RAB21: variants seen among roughly 807,000 people sequenced by gnomAD.
RAB21 encodes the protein ras-related protein Rab-21.
In RAB21, 13 loss-of-function variants were observed where a neutral mutation model predicts 33.1. The observed-to-expected ratio is 0.39, with a 90% CI of 0.26 to 0.62. The LOEUF (loss-of-function observed/expected upper bound fraction) is 0.62, where lower values mean the gene tolerates loss of function less well. Among genes scored for constraint, RAB21 ranks in the 20% least tolerant of loss-of-function variants. RAB21 has a pLI of 0.48. For missense variants in RAB21, 234 were observed against 279.1 expected (o/e 0.84, Z 1.15); for synonymous variants, 91 against 103.7 (o/e 0.88, Z 0.74).
intron 3 of RAB21, among the ~76,000 whole-genome samples, chr12:71,771,233 T>C (rs1883037872): frequency 6.6e-6 from 1 of 152,196 alleles, no homozygotes; most frequent in East Asian, 1.9e-4. Flanking sequence ...ACACACCACA[T>C]ACGTATGACT....
Position 71,782,732 on chromosome 12 carries a change from A to G in RAB21, c.535+74A>G. 6.3e-6 allele frequency: 6 copies of G among 955,640 alleles called. 1 individual carries two copies. The South Asian group carries it at 1.1e-4, about 17-fold the overall frequency. 59.2% of individuals were successfully genotyped at this position (955,640 alleles called of 1,614,324 possible). Reference sequence around the variant, plus strand: ...TTTTTTAAAAAATAGTATGTATTTTACACCAGTGTTACTTTTCAAAGAATT... The same window carrying G: ...TTTTTTAAAAAATAGTATGTATTTTGCACCAGTGTTACTTTTCAAAGAATT... On this transcript the variant is annotated intron_variant, in intron 6 of 6. Transcript: ENST00000261263.
At chr12:71,782,548 A>T in intron 5 of RAB21, 22 bp from the exon 6 acceptor site, 1 of 1,489,350 alleles carries the variant, frequency 6.7e-7, no homozygotes, top group East Asian at 2.3e-5. Flanking sequence ...TACATCAATC[A>T]CCGATGTTAC....
At chr12:71,778,407 G>C (rs1883151611) in intron 4 of RAB21, among the ~76,000 whole-genome samples, 1 of 152,072 alleles carries the variant, frequency 6.6e-6, no homozygotes. Context: ...TAAGCCTCCT[G>C]ACAATGCTGA....
chr12:71,775,619 C>G, intron 4 of RAB21, among the ~76,000 whole-genome samples: 1 of 151,630 alleles, frequency 6.6e-6, no homozygotes, highest in Non-Finnish European at 1.5e-5. Context: ...TCACTGCAAC[C>G]TCCGCCTCCT....
chr12:71,770,111 C>G (rs952059405), intron 2 of RAB21, among the ~76,000 whole-genome samples: 1 of 152,074 alleles, frequency 6.6e-6, no homozygotes, highest in African/African-American at 2.4e-5. Flanking sequence ...GCTTGCCTGG[C>G]CTTTTTTTCC....
intron 6 of RAB21, among the ~76,000 whole-genome samples, chr12:71,784,236 C>G (rs80025408): frequency 0.012 from 1,765 of 152,222 alleles, 46 homozygotes; most frequent in African/African-American, 0.04. Flanking sequence ...AATACTTTCT[C>G]TCAGTCTGTG....
chr12:71,782,470 G>A (rs1336703910), intron 5 of RAB21, 100 bp from the exon 6 acceptor site: 2 of 715,276 alleles, frequency 2.8e-6, no homozygotes, highest in Admixed American at 3.3e-5. Context: ...CTAAACTTGA[G>A]TAAATTAATA....
rs377240841 is a variant in RAB21 at position 71,797,965 on chromosome 12, G to T, written c.*12292G>T. ...CTGAAATGTTTAAAGTACCCAAAGA[G>T]GTTGTCAGAGAATTTTTAAAGATTT... On this transcript the variant is annotated 3_prime_UTR_variant, in exon 7 of 7. Coordinates refer to ENST00000261263, the MANE Select transcript of RAB21 (RefSeq NM_014999.4). The T allele has an allele frequency of 8.5e-5, 13 of 152,074 alleles. No individual in the cohort carries two copies. Among genetic ancestry groups the T allele is most frequent in the Non-Finnish European group, 1.6e-4 (11 of 68,010 alleles). The allele number at this position is 152,074 out of a possible 1,614,324, so 9.4% of individuals were successfully genotyped here.
chr12:71,788,426 GC>G lies in RAB21; in HGVS notation c.*2754del, dbSNP rs1883327866. 6.6e-6 allele frequency: 1 copy of G among 152,028 alleles called. No individual in the cohort carries two copies. The highest frequency in any genetic ancestry group is 2.4e-5 in the African/African-American group (1 of 41,392). The allele number at this position is 152,028 out of a possible 1,614,324, so 9.4% of individuals were successfully genotyped here. On this transcript the variant is annotated 3_prime_UTR_variant, in exon 7 of 7. Transcript: ENST00000261263. ...TAGCAACAATAGACAACATGATATG[GC>G]TGCTGTCACTTTGAAACCCAAAAGG...
intron 2 of RAB21, 89 bp from the exon 3 acceptor site, chr12:71,770,503 T>C: frequency 1.1e-6 from 1 of 889,364 alleles, no homozygotes; most frequent in Non-Finnish European, 1.8e-6. Context: ...TTATGCCATA[T>C]TTTCCAATTA....
At chr12:71,777,751 C>A (rs1391826082) in intron 4 of RAB21, among the ~76,000 whole-genome samples, 1 of 152,174 alleles carries the variant, frequency 6.6e-6, no homozygotes, top group African/African-American at 2.4e-5. Flanking sequence ...TCCAGACATT[C>A]TGATCATCCT....
In RAB21 at chr12:71,795,247, C is replaced by T. The variant is rs936674376; in HGVS notation, c.*9574C>T. 3.3e-5 allele frequency: 5 copies of T among 152,034 alleles called. No individual in the cohort carries two copies. Among genetic ancestry groups the T allele is most frequent in the Admixed American group, 6.5e-5 (1 of 15,280 alleles). 9.4% of individuals were successfully genotyped at this position (152,034 alleles called of 1,614,324 possible). On this transcript the variant is annotated 3_prime_UTR_variant, in exon 7 of 7. Coordinates refer to ENST00000261263, the MANE Select transcript of RAB21 (RefSeq NM_014999.4). ...TAAAAGTTAAGAATCCATGAATAGC[C>T]CCTTAAAAATATTGTCAAAGCATCA...
At position 71,788,511 on chromosome 12, in the gene RAB21, G is replaced by A. The variant is rs1883329416; in HGVS notation, c.*2838G>A. On this transcript the variant is annotated 3_prime_UTR_variant, in exon 7 of 7. Transcript: ENST00000261263. ...CAGTCAACTTCAGTATATATACAAA[G>A]GAAAGACAAAGAGATGATAAACCAA... 6.6e-6 allele frequency: 1 copy of A among 152,050 alleles called. No individual in the cohort carries two copies. Among genetic ancestry groups the A allele is most frequent in the Non-Finnish European group, 1.5e-5 (1 of 67,994 alleles). 9.4% of individuals were successfully genotyped at this position (152,050 alleles called of 1,614,324 possible).
intron 1 of RAB21, among the ~76,000 whole-genome samples, chr12:71,765,733 A>C (rs1029879314): frequency 6.6e-6 from 1 of 151,872 alleles, no homozygotes; most frequent in South Asian, 2.1e-4. Context: ...TTCTGTTTTT[A>C]TATGCTTTGT....
chr12:71,797,328 C>T lies in RAB21; in HGVS notation c.*11655C>T, dbSNP rs1205883264. On this transcript the variant is annotated 3_prime_UTR_variant, in exon 7 of 7. Coordinates refer to ENST00000261263, the MANE Select transcript of RAB21 (RefSeq NM_014999.4). ...TAAAATTCATCACAGAAATAAAAAG[C>T]TTTCATTTATAAAAACAACAGCCAG... The T allele has an allele frequency of 6.6e-6, 1 of 151,902 alleles. No individual in the cohort carries two copies. Among genetic ancestry groups the T allele is most frequent in the Non-Finnish European group, 1.5e-5 (1 of 67,942 alleles). The allele number at this position is 151,902 out of a possible 1,614,324, so 9.4% of individuals were successfully genotyped here. A position where few individuals can be genotyped will look rare whatever the true frequency, so the allele number is the denominator to read the frequency against.
rs1222342959 is a variant in RAB21 at position 71,800,236 on chromosome 12, T to G, written c.*14563T>G. 1 of 152,172 alleles carries G rather than the reference T, an allele frequency of 6.6e-6. No homozygotes were observed. Among genetic ancestry groups the G allele is most frequent in the African/African-American group, 2.4e-5 (1 of 41,436 alleles). The allele number at this position is 152,172 out of a possible 1,614,324, so 9.4% of individuals were successfully genotyped here. ...CATTCCTGCTTTCTTTAAACTATAG[T>G]TTAGTTTGAATTTTCTATAATTTTA... On this transcript the variant is annotated 3_prime_UTR_variant, in exon 7 of 7. Coordinates refer to ENST00000261263, the MANE Select transcript of RAB21 (RefSeq NM_014999.4).
intron 1 of RAB21, among the ~76,000 whole-genome samples, chr12:71,762,284 T>A (rs1882883510): frequency 6.7e-6 from 1 of 150,272 alleles, no homozygotes; most frequent in Non-Finnish European, 1.5e-5. Flanking sequence ...GCACCTAGCT[T>A]AGGTTTTGTT....
intron 1 of RAB21, among the ~76,000 whole-genome samples, chr12:71,762,374 C>T (rs191412708): frequency 0.038 from 5,811 of 152,100 alleles, 172 homozygotes; most frequent in South Asian, 0.11. Flanking sequence ...GGCGCGATCT[C>T]GGCTCACTGC....
chr12:71,764,068 C>T (rs577906064), intron 1 of RAB21, among the ~76,000 whole-genome samples: 1 of 152,128 alleles, frequency 6.6e-6, no homozygotes, highest in African/African-American at 2.4e-5. Flanking sequence ...TGATTTTTCT[C>T]CCCTTCCTAT....
Sources: gnomAD v4.1 joint callset for allele counts (sites outside exome capture counted in the v4.1 genomes callset) on GRCh38, gnomAD v4.1.1 for gene constraint, MANE v1.5 for transcripts, NCBI Gene and HGNC (gene_info 2026-07-23, HGNC 2026-07-21) for gene names.